PSMD2: variants seen among roughly 807,000 people sequenced by gnomAD.
PSMD2 encodes proteasome 26S subunit ubiquitin receptor, non-ATPase 2.
Under a neutral mutation model 101.5 loss-of-function variants are expected in PSMD2, and 8 were observed. The ratio of observed to expected loss-of-function variants is 0.08; its 90% confidence interval spans 0.05 to 0.14. The LOEUF is 0.14. PSMD2 is among the 10% of genes least tolerant of loss of function. The probability of loss-of-function intolerance (pLI) is 1.00; values close to 1 mark genes in which losing one functional copy is unlikely to be tolerated. For missense variants in PSMD2, 784 were observed against 1,147.4 expected (o/e 0.68, Z 4.58); for synonymous variants, 418 against 433.8 (o/e 0.96, Z 0.45).
At position 184,299,910 on chromosome 3, in the gene PSMD2, G is replaced by A. The variant is rs772708944; in HGVS notation, c.192+3G>A. 1.2e-6 allele frequency: 2 copies of A among 1,612,988 alleles called. No individual in the cohort carries two copies. Among genetic ancestry groups the A allele is most frequent in the Admixed American group, 3.3e-5 (2 of 60,024 alleles). On this transcript the variant is annotated splice_donor_region_variant and intron_variant, in intron 2 of 20. Transcript: ENST00000310118. Reference sequence around the variant, plus strand: ...AGATGCTCGTGGAACGACTAGGGGTGAGTCACGATGTTAACATGATTCGGT... The same window carrying A: ...AGATGCTCGTGGAACGACTAGGGGTAAGTCACGATGTTAACATGATTCGGT...
chr3:184,301,684 G>A (rs758921573), intron 4 of PSMD2, 26 bp downstream of exon 4: 12 of 1,613,474 alleles, frequency 7.4e-6, no homozygotes, highest in Admixed American at 5.0e-5. Context: ...TTGGGAATCC[G>A]AAGGGGGCTC....
Position 184,302,028 on chromosome 3 carries a change from A to C in PSMD2, c.661A>C (p.Ile221Leu), listed in dbSNP as rs377538425. Residue 221 changes from isoleucine to leucine, a missense_variant, in exon 5 of 21, where the codon ATT (isoleucine) becomes CTT (leucine). Physicochemically the swap from Ile to Leu is conservative, Grantham distance 5 (BLOSUM62 2). This residue lies in a region of PSMD2 where 208 missense variants were observed against 301.6 expected (regional missense o/e 0.69). Transcript: ENST00000310118. The part of the protein sequence containing the change: ...IEQVDMLEKD[I>L]DENAYAKVCL... ...GCAGGTGGACATGCTGGAGAAGGACATTGATGAAAATGCATATGCAAAGGT... is the reference window on the plus strand; with the variant it reads ...GCAGGTGGACATGCTGGAGAAGGACCTTGATGAAAATGCATATGCAAAGGT... The C allele has an allele frequency of 1.3e-5, 21 of 1,614,114 alleles. No homozygotes were observed. The highest frequency in any genetic ancestry group is 1.7e-5 in the Non-Finnish European group (20 of 1,180,056).
chr3:184,304,126 G>A lies in PSMD2; in HGVS notation c.1451+52G>A, dbSNP rs1481101412. 3.1e-6 allele frequency: 5 copies of A among 1,608,862 alleles called. No individual in the cohort carries two copies. The Admixed American group carries it at 8.3e-5, about 27-fold the overall frequency. ...TAGTGCTCAGCCTGTACACTCTGGA[G>A]AACAGGAACTGGGCCCTTTTCACCC... On this transcript the variant is annotated intron_variant, in intron 11 of 20. Transcript: ENST00000310118. The surrounding 1 kb of genome is among the most constrained non-coding windows in gnomAD (Gnocchi z 4.1).
intron 2 of PSMD2, 26 bp downstream of exon 2, chr3:184,299,933 G>A (rs747048889): frequency 6.2e-6 from 10 of 1,603,618 alleles, no homozygotes; most frequent in Non-Finnish European, 8.5e-6. Flanking sequence ...AACATGATTC[G>A]GTGCATGTTT....
chr3:184,306,960 T>C (rs1325415276), intron 16 of PSMD2, 126 bp downstream of exon 16: 2 of 794,740 alleles, frequency 2.5e-6, no homozygotes, highest in East Asian at 2.6e-5. Context: ...TTCTTTCTTT[T>C]TTCTTTTCTT....
chr3:184,307,202 CAA>C (rs1375593134), intron 16 of PSMD2, 153 bp from the exon 17 acceptor site: 1 of 794,286 alleles, frequency 1.3e-6, no homozygotes, highest in Non-Finnish European at 2.0e-6. Context: ...CTCGGCCTCC[CAA>C]AGTGCTGGGA....
At position 184,303,342 on chromosome 3, in the gene PSMD2, G is replaced by A. The variant is rs143727905; in HGVS notation, c.1092G>A (p.Gln364=). ...ENNRFGGSGS[Q]VDSARMNLAS... ...CAGGGTTTGGGGGCAGTGGCTCTCA[G>A]GTGGACTCTGCCCGCATGAACCTGG... is the stretch of plus-strand genomic sequence containing the variant. The change falls in exon 9 of 21, where the codon CAG becomes CAA. Residue 364 remains glutamine, a synonymous_variant. Coordinates refer to ENST00000310118, the MANE Select transcript of PSMD2 (RefSeq NM_002808.5). The A allele has an allele frequency of 5.9e-5, 95 of 1,613,758 alleles. No individual in the cohort carries two copies. In the African/African-American group the frequency reaches 1.1e-3, roughly 19 times the overall value.
chr3:184,299,281 C>G lies in PSMD2; in HGVS notation c.15C>G (p.Gly5=), dbSNP rs1370258076. The change falls in exon 1 of 21, where the codon GGC becomes GGG. Residue 5 remains glycine, a synonymous_variant. Coordinates refer to ENST00000310118, the MANE Select transcript of PSMD2 (RefSeq NM_002808.5). The part of the protein sequence containing the change: MEEG[G]RDKAPVQPQQ... ...TGGCGGCGGAGATGGAGGAGGGAGGCCGGGACAAGGCGCCGGTGCAGCCCC... is the reference window on the plus strand; with the variant it reads ...TGGCGGCGGAGATGGAGGAGGGAGGGCGGGACAAGGCGCCGGTGCAGCCCC... 4 of 1,359,580 alleles carry G rather than the reference C, an allele frequency of 2.9e-6. No individual in the cohort carries two copies. Among genetic ancestry groups the G allele is most frequent in the Non-Finnish European group, 3.8e-6 (4 of 1,056,802 alleles). The allele number at this position is 1,359,580 out of a possible 1,614,324, so 84.2% of individuals were successfully genotyped here.
chr3:184,299,925 C>T lies in PSMD2; in HGVS notation c.192+18C>T, dbSNP rs114623303. ...GACTAGGGGTGAGTCACGATGTTAA[C>T]ATGATTCGGTGCATGTTTGGATCTT... is the stretch of plus-strand genomic sequence containing the variant. On this transcript the variant is annotated intron_variant, in intron 2 of 20. Transcript: ENST00000310118. The T allele has an allele frequency of 3.6e-4, 579 of 1,609,540 alleles. No individual in the cohort carries two copies. The African/African-American group carries it at 6.8e-3, about 19-fold the overall frequency.
chr3:184,303,821 T>C, intron 10 of PSMD2, 72 bp downstream of exon 10: 1 of 1,602,026 alleles, frequency 6.2e-7, no homozygotes, highest in Non-Finnish European at 8.6e-7. Flanking sequence ...TGCCTCTCTT[T>C]CACTGATGAG....
In PSMD2 at chr3:184,300,414, C is replaced by A; in HGVS notation, c.327C>A (p.Ile109=). Residue 109 remains isoleucine (I), a synonymous_variant, in exon 3 of 21, where the codon ATC becomes ATA. Transcript: ENST00000310118. The part of the protein sequence containing the change: ...LRPHYGKLKE[I]YENMAPGENK... ...CACACTATGGCAAACTGAAGGAAAT[C>A]TATGAGAACATGGCCCCTGGGGAGA... 1 of 1,614,122 alleles carries A rather than the reference C, an allele frequency of 6.2e-7. No individual in the cohort carries two copies. Among genetic ancestry groups the A allele is most frequent in the South Asian group, 1.1e-5 (1 of 91,084 alleles).
rs1721763829 is a variant in PSMD2, at chr3:184,304,526, G to A, written c.1539+135G>A. The A allele has an allele frequency of 4.6e-6, 4 of 865,900 alleles. No individual in the cohort carries two copies. Among genetic ancestry groups the A allele is most frequent in the Admixed American group, 2.1e-5 (1 of 48,194 alleles). The allele number at this position is 865,900 out of a possible 1,614,324, so 53.6% of individuals were successfully genotyped here. A position where few individuals can be genotyped will look rare whatever the true frequency, so the allele number is the denominator to read the frequency against. On this transcript the variant is annotated intron_variant, in intron 12 of 20. Transcript: ENST00000310118. The surrounding 1 kb of genome is among the most constrained non-coding windows in gnomAD (Gnocchi z 4.1). Reference sequence around the variant, plus strand: ...TACATGCCTGTTGGTGTGTATTGAGGGGCGTCACCTCAGTGAAACCCCTTG... The same window carrying A: ...TACATGCCTGTTGGTGTGTATTGAGAGGCGTCACCTCAGTGAAACCCCTTG...
intron 12 of PSMD2, 73 bp from the exon 13 acceptor site, chr3:184,305,695 A>G (rs1220025567): frequency 7.2e-7 from 1 of 1,383,686 alleles, no homozygotes; most frequent in Non-Finnish European, 1.0e-6. Context: ...GACTGTAGGA[A>G]TAGGCTATCT....
intron 1 of PSMD2, 106 bp downstream of exon 1, chr3:184,299,507 G>T: frequency 7.8e-7 from 1 of 1,288,980 alleles, no homozygotes; most frequent in Non-Finnish European, 9.9e-7. Flanking sequence ...GCCAGGGAGA[G>T]GGCGGTTGGG....
At chr3:184,305,334 C>A (rs1356476412) in intron 12 of PSMD2, among the ~76,000 whole-genome samples, 2 of 152,038 alleles carry the variant, frequency 1.3e-5, no homozygotes, top group African/African-American at 2.4e-5. Flanking sequence ...ATTAAAAATA[C>A]AAAAATTAGC....
intron 12 of PSMD2, among the ~76,000 whole-genome samples, chr3:184,305,429 C>T (rs935856663): frequency 4.7e-5 from 7 of 148,996 alleles, no homozygotes; most frequent in Non-Finnish European, 5.9e-5. Context: ...GTGGAGGTTG[C>T]GGTGAGCCAA....
chr3:184,303,556 C>T (rs1473907632), intron 9 of PSMD2, 87 bp from the exon 10 acceptor site: 6 of 1,605,354 alleles, frequency 3.7e-6, no homozygotes, highest in African/African-American at 1.3e-5. Context: ...AAGGGATCCA[C>T]CATGCAGTTC....
In PSMD2 at chr3:184,302,058, C is replaced by G. The variant is rs764804657; in HGVS notation, c.691C>G (p.Leu231Val). 3 of 1,614,088 alleles carry G rather than the reference C, an allele frequency of 1.9e-6. No individual in the cohort carries two copies. The Admixed American group carries it at 5.0e-5, about 27-fold the overall frequency. Residue 231 changes from leucine (L) to valine (V), a missense_variant, in exon 5 of 21, where the codon CTT (leucine) becomes GTT (valine). By Grantham distance (32) the Leu-to-Val change is conservative. This residue lies in a region of PSMD2 where 208 missense variants were observed against 301.6 expected (regional missense o/e 0.69). Transcript: ENST00000310118. ...TGAAAATGCATATGCAAAGGTCTGC[C>G]TTTATCTCACCAGGTGAGTGAACAT... Reference protein sequence around the residue: ...IDENAYAKVCLYLTSCVNYVP... With the variant: ...IDENAYAKVCVYLTSCVNYVP...
intron 5 of PSMD2, 39 bp downstream of exon 5, chr3:184,302,110 T>TC: frequency 6.3e-7 from 1 of 1,583,858 alleles, no homozygotes; most frequent in Non-Finnish European, 8.7e-7. Context: ...AGGCATGCCC[T>TC]CCTCAGCACC....
Sources: allele counts gnomAD v4.1 joint callset (sites outside exome capture counted in the v4.1 genomes callset), GRCh38; gene constraint gnomAD v4.1.1; regional missense constraint gnomAD v4.1.1; non-coding constraint Gnocchi (gnomAD v3.1); transcripts MANE v1.5; gene names NCBI Gene and HGNC (gene_info 2026-07-23, HGNC 2026-07-21).